The following LAMA1 variants were observed in gnomAD, a reference collection of about 807,000 sequenced individuals.
LAMA1 encodes laminin subunit alpha 1, also known as laminin subunit alpha-1.
Under a neutral mutation model 348.7 loss-of-function variants are expected in LAMA1, and 219 were observed. The ratio of observed to expected loss-of-function variants is 0.63; its 90% confidence interval spans 0.56 to 0.70. The LOEUF (loss-of-function observed/expected upper bound fraction) is 0.70. Ranked by LOEUF, LAMA1 falls within the 30% of genes least tolerant of loss-of-function variation. The pLI is 0.00. For missense variants in LAMA1, 3,744 were observed against 3,888.0 expected (o/e 0.96, Z 0.99); for synonymous variants, 1,487 against 1,491.0 (o/e 1.00, Z 0.06).
chr18:6,961,099 A>G (rs573761599), intron 53 of LAMA1, among the ~76,000 whole-genome samples: 2 of 152,330 alleles, frequency 1.3e-5, no homozygotes, highest in Admixed American at 1.3e-4. Context: ...ATAAATAAGG[A>G]AAATGGTCAT....
rs1215367811 is a variant in LAMA1, at chr18:6,993,699, G to C, written c.4950C>G (p.Ile1650Met). Reference protein sequence around the residue: ...TQKVNRATERIFKESQDLAIA... With the variant: ...TQKVNRATERMFKESQDLAIA... ...TGGCCAGGTCTTGACTCTCCTTGAAGATTCTCTCAGTTGCCCTATTCACCT... is the reference window on the plus strand; with the variant it reads ...TGGCCAGGTCTTGACTCTCCTTGAACATTCTCTCAGTTGCCCTATTCACCT... Residue 1650 changes from isoleucine (I) to methionine (M), a missense_variant, in exon 35 of 63, where the codon ATC (isoleucine) becomes ATG (methionine). Coordinates refer to ENST00000389658, the MANE Select transcript of LAMA1 (RefSeq NM_005559.4). 3 of 1,613,920 alleles carry C rather than the reference G, an allele frequency of 1.9e-6. No individual in the cohort carries two copies. The highest frequency in any genetic ancestry group is 2.5e-6 in the Non-Finnish European group (3 of 1,179,970).
At chr18:7,005,059 A>T (rs1568027124) in intron 29 of LAMA1, among the ~76,000 whole-genome samples, 1 of 152,182 alleles carries the variant, frequency 6.6e-6, no homozygotes, top group Non-Finnish European at 1.5e-5. Context: ...TCAGGGCAGG[A>T]TACCGAAGAC....
Position 6,999,438 on chromosome 18 carries a change from TACTC to T in LAMA1, c.4663+3_4663+6del. 6.2e-7 allele frequency: 1 copy of T among 1,614,132 alleles called. No individual in the cohort carries two copies. Among genetic ancestry groups the T allele is most frequent in the South Asian group, 1.1e-5 (1 of 91,068 alleles). ...CATCTTTACACATTTAGAGGAGAAA[TACTC>T]ACAAACACAATCTGTTTCCATCAGA... On this transcript the variant is annotated splice_donor_5th_base_variant and intron_variant, in intron 32 of 62. Transcript: ENST00000389658.
chr18:6,942,589 T>A (rs533937681), intron 62 of LAMA1, among the ~76,000 whole-genome samples: 1 of 151,994 alleles, frequency 6.6e-6, no homozygotes, highest in Non-Finnish European at 1.5e-5. Context: ...TATTTTTGTA[T>A]TTTTAGTAGA....
chr18:7,002,438 C>T, intron 29 of LAMA1, 53 bp from the exon 30 acceptor site: 2 of 1,596,392 alleles, frequency 1.3e-6, no homozygotes, highest in Non-Finnish European at 1.7e-6. Flanking sequence ...TGTTAGAAAT[C>T]ATTCTTATCT....
chr18:7,065,817 C>G (rs2058120629), intron 3 of LAMA1, among the ~76,000 whole-genome samples: 1 of 152,220 alleles, frequency 6.6e-6, no homozygotes, highest in African/African-American at 2.4e-5. Context: ...GTTTGTACAG[C>G]TATGCCATCC....
chr18:7,060,801 C>T (rs564500631), intron 3 of LAMA1, among the ~76,000 whole-genome samples: 89 of 152,206 alleles, frequency 5.8e-4, no homozygotes, highest in Non-Finnish European at 9.7e-4. Flanking sequence ...ACCCCGCAAG[C>T]TGACCCACGG....
At chr18:6,956,866 C>A in intron 55 of LAMA1, 101 bp from the exon 56 acceptor site, 2 of 1,332,084 alleles carry the variant, frequency 1.5e-6, no homozygotes, top group Non-Finnish European at 2.1e-6. Flanking sequence ...AATTAAAAAC[C>A]ATGTATATAT....
intron 3 of LAMA1, among the ~76,000 whole-genome samples, chr18:7,071,175 G>A (rs926561666): frequency 6.6e-6 from 1 of 152,174 alleles, no homozygotes; most frequent in African/African-American, 2.4e-5. Flanking sequence ...GGTGTAGAGG[G>A]AACCAGAGGT....
At chr18:7,088,591 C>T (rs1019764337) in intron 1 of LAMA1, among the ~76,000 whole-genome samples, 1 of 152,068 alleles carries the variant, frequency 6.6e-6, no homozygotes, top group African/African-American at 2.4e-5. Context: ...AATCACAGCT[C>T]ACTGCCACCT....
chr18:6,965,968 A>G, intron 49 of LAMA1, 179 bp downstream of exon 49: 1 of 676,084 alleles, frequency 1.5e-6, no homozygotes, highest in South Asian at 2.0e-5. Flanking sequence ...ATAATAAATA[A>G]TTTAAAATGA....
rs1358804359 is a variant in LAMA1, at chr18:7,015,745, A to T, written c.3103T>A (p.Tyr1035Asn). 12 of 1,614,006 alleles carry T rather than the reference A, an allele frequency of 7.4e-6. No individual in the cohort carries two copies. The highest frequency in any genetic ancestry group is 1.0e-5 in the Non-Finnish European group (12 of 1,180,036). The part of the protein sequence containing the change: ...CEECEDGHWG[Y>N]DAEVGCQACN... ...ACCTGGCACCCCACCTCCGCATCGT[A>T]GCCCCAGTGCCCATCCTCACATTCT... The change falls in exon 22 of 63, where the codon TAC (tyrosine) becomes AAC (asparagine). Residue 1035 changes from tyrosine to asparagine, a missense_variant. By Grantham distance (143) the Tyr-to-Asn change is moderately radical. Transcript: ENST00000389658.
intron 54 of LAMA1, 125 bp downstream of exon 54, chr18:6,959,216 A>C (rs1163577714): frequency 8.2e-7 from 1 of 1,216,658 alleles, no homozygotes; most frequent in Non-Finnish European, 1.2e-6. Context: ...GCAAGGTTCT[A>C]GAATCGTCTG....
intron 30 of LAMA1, 104 bp downstream of exon 30, chr18:7,002,160 G>T: frequency 7.0e-7 from 1 of 1,434,150 alleles, no homozygotes; most frequent in Non-Finnish European, 9.5e-7. Context: ...AACCAATGGA[G>T]AATATTCATT....
intron 48 of LAMA1, among the ~76,000 whole-genome samples, chr18:6,968,467 G>T (rs1023121905): frequency 1.3e-5 from 2 of 152,112 alleles, no homozygotes; most frequent in Non-Finnish European, 2.9e-5. Flanking sequence ...TTTCCCCTAC[G>T]CCATGAGATG....
chr18:7,024,054 G>A (rs1440523588), intron 18 of LAMA1, among the ~76,000 whole-genome samples: 2 of 150,706 alleles, frequency 1.3e-5, no homozygotes, highest in Admixed American at 1.3e-4. Context: ...ACGTTGGTCA[G>A]GCTGGTCTCG....
At chr18:6,956,434 A>AT (rs777308662) in intron 56 of LAMA1, 2 of 792,058 alleles carry the variant, frequency 2.5e-6, no homozygotes, top group South Asian at 2.8e-5. Flanking sequence ...CCTACAATCT[A>AT]TGGATTGGGC....
At chr18:6,942,897 C>CAGA (rs1451297085) in intron 62 of LAMA1, among the ~76,000 whole-genome samples, 5 of 152,172 alleles carry the variant, frequency 3.3e-5, no homozygotes, top group Admixed American at 1.3e-4. Context: ...TAAAATGACT[C>CAGA]CCAAGTCTGA....
At chr18:7,100,499 T>C (rs2058287292) in intron 1 of LAMA1, among the ~76,000 whole-genome samples, 1 of 152,160 alleles carries the variant, frequency 6.6e-6, no homozygotes, top group Admixed American at 6.5e-5. Flanking sequence ...GAAACCTATA[T>C]CTAAACAAAG....
Sources: gnomAD v4.1 joint callset for allele counts (sites outside exome capture counted in the v4.1 genomes callset) on GRCh38, gnomAD v4.1.1 for gene constraint, MANE v1.5 for transcripts, NCBI Gene and HGNC (gene_info 2026-07-23, HGNC 2026-07-21) for gene names.